Variants in PTCHD4 observed in about 807,000 individuals in gnomAD.
PTCHD4 encodes patched domain containing 4.
A neutral mutation model predicts 58.1 loss-of-function variants in PTCHD4; 33 were observed. The observed-to-expected ratio is 0.57, with a 90% CI of 0.43 to 0.76. The LOEUF (loss-of-function observed/expected upper bound fraction) is 0.76. Among genes scored for constraint, PTCHD4 ranks in the 30% least tolerant of loss-of-function variants. The probability of loss-of-function intolerance (pLI) is 0.00; values close to 1 mark genes in which losing one functional copy is unlikely to be tolerated. For synonymous variants in PTCHD4, 478 were observed against 409.6 expected, an observed-to-expected ratio of 1.17 and a Z score of -2.02; for missense variants, 1,058 against 1,027.1, an observed-to-expected ratio of 1.03 and a Z score of -0.41.
chr6:47,901,947 T>C, intron 4 of PTCHD4: 1 of 1,292,054 alleles, frequency 7.7e-7, no homozygotes. Flanking sequence ...TTAAAAATAG[T>C]ATGAGCAAGT....
intron 4 of PTCHD4, among the ~76,000 whole-genome samples, chr6:47,881,430 C>T (rs1428766967): frequency 2.6e-5 from 4 of 152,130 alleles, no homozygotes; most frequent in African/African-American, 9.7e-5. Flanking sequence ...TGAAGGTCAT[C>T]TAAGGATGCT....
chr6:47,927,665 G>A lies in PTCHD4; in HGVS notation c.899-47729C>T, dbSNP rs78378009. On this transcript the variant is annotated intron_variant, in intron 4 of 4. Coordinates refer to ENST00000339488, the MANE Select transcript of PTCHD4 (RefSeq NM_001384253.1). The stretch of plus-strand genomic sequence containing the variant: ...ACAATTATCTGGGTCATCTCTTCCA[G>A]GACATTTTATCAATCTGGGTTTGTA... Among the ~76,000 whole-genome samples the A allele has an allele frequency of 2.6e-5, 4 of 151,948 alleles. No homozygotes were observed. The East Asian group carries it at 7.7e-4, about 29-fold the overall frequency.
At chr6:48,104,327 T>G (rs562569435) in intron 1 of PTCHD4, among the ~76,000 whole-genome samples, 1 of 152,292 alleles carries the variant, frequency 6.6e-6, no homozygotes, top group East Asian at 1.9e-4. Context: ...ATTTTCAAGC[T>G]AGAATTTCAT....
chr6:47,958,118 G>T (rs968438475), intron 4 of PTCHD4, among the ~76,000 whole-genome samples: 17 of 152,014 alleles, frequency 1.1e-4, no homozygotes, highest in African/African-American at 4.1e-4. Flanking sequence ...AATTACTGTG[G>T]GTTTTGTTTT....
At chr6:47,880,905 C>T (rs1431841527) in intron 4 of PTCHD4, among the ~76,000 whole-genome samples, 3 of 152,142 alleles carry the variant, frequency 2.0e-5, no homozygotes, top group Non-Finnish European at 4.4e-5. Flanking sequence ...ACTATATCTG[C>T]AATTTCCCCT....
chr6:47,946,114 T>TATAAGGTCCAGATCATAGTCAATTTCC (rs1387702416), intron 4 of PTCHD4, among the ~76,000 whole-genome samples: 2 of 152,066 alleles, frequency 1.3e-5, no homozygotes, highest in Admixed American at 1.3e-4. Context: ...TGAATCTTGA[T>TATAAGGTCCAGATCATAGTCAATTTCC]ATAAGGTCCA....
chr6:47,891,241 A>G (rs1167383582), intron 4 of PTCHD4, among the ~76,000 whole-genome samples: 2 of 146,398 alleles, frequency 1.4e-5, no homozygotes, highest in Non-Finnish European at 3.0e-5. Flanking sequence ...AAAAAAAAAA[A>G]AAGATTGAGG....
chr6:47,941,727 T>C (rs1766232827), intron 4 of PTCHD4, among the ~76,000 whole-genome samples: 1 of 152,222 alleles, frequency 6.6e-6, no homozygotes, highest in South Asian at 2.1e-4. Context: ...TTAATGATAG[T>C]ACCTACCTTA....
Position 47,870,975 on chromosome 6 carries a change from A to T in PTCHD4, c.*7328T>A, listed in dbSNP as rs1017302855. Among the ~76,000 whole-genome samples, 1 of 151,634 alleles carries T rather than the reference A, an allele frequency of 6.6e-6. No homozygotes were observed. Among genetic ancestry groups the T allele is most frequent in the East Asian group, 1.9e-4 (1 of 5,142 alleles). The stretch of plus-strand genomic sequence containing the variant: ...AGACATCTGGAATTGATGGTTTGCC[A>T]TGAGGTTTGTAGTGTTAATACATCA... On this transcript the variant is annotated 3_prime_UTR_variant, in exon 5 of 5. Transcript: ENST00000339488.
intron 3 of PTCHD4, among the ~76,000 whole-genome samples, chr6:48,051,426 G>C (rs747152982): frequency 1.3e-5 from 2 of 151,894 alleles, no homozygotes; most frequent in Non-Finnish European, 2.9e-5. Context: ...CTTCACTTTT[G>C]CTTGTTAAGT....
intron 3 of PTCHD4, among the ~76,000 whole-genome samples, chr6:48,034,109 T>A (rs1048472561): frequency 6.6e-6 from 1 of 152,106 alleles, no homozygotes; most frequent in Non-Finnish European, 1.5e-5. Context: ...TAAAGAATTA[T>A]GGCCCTAGTG....
intron 3 of PTCHD4, among the ~76,000 whole-genome samples, chr6:48,014,373 G>A (rs1762795167): frequency 6.6e-6 from 1 of 152,088 alleles, no homozygotes; most frequent in Non-Finnish European, 1.5e-5. Context: ...GAAAGACAAA[G>A]AATTAATATA....
chr6:48,063,228 A>G (rs1229404582), intron 3 of PTCHD4, among the ~76,000 whole-genome samples: 4 of 152,166 alleles, frequency 2.6e-5, no homozygotes, highest in African/African-American at 9.7e-5. Context: ...AGAAAATGAT[A>G]TTAAAGATGA....
At chr6:48,037,908 A>AG (rs1259199615) in intron 3 of PTCHD4, among the ~76,000 whole-genome samples, 1 of 100,152 alleles carries the variant, frequency 1.0e-5, no homozygotes, top group Non-Finnish European at 2.1e-5. Context: ...TAAAAGTAAA[A>AG]AAAAAAAAAA....
rs1581807448 is a variant in PTCHD4 at position 47,874,813 on chromosome 6, T to C, written c.*3490A>G. On this transcript the variant is annotated 3_prime_UTR_variant, in exon 5 of 5. Coordinates refer to ENST00000339488, the MANE Select transcript of PTCHD4 (RefSeq NM_001384253.1). ...AGCCTTCAAAGAGGTTCATAGTAAC[T>C]GCAAGAATTCCTGGGAAGACATCTA... Among the ~76,000 whole-genome samples the C allele has an allele frequency of 6.6e-6, 1 of 151,940 alleles. No homozygotes were observed. Among genetic ancestry groups the C allele is most frequent in the Non-Finnish European group, 1.5e-5 (1 of 67,824 alleles).
intron 4 of PTCHD4, among the ~76,000 whole-genome samples, chr6:47,948,124 G>A (rs1766491632): frequency 6.6e-6 from 1 of 152,198 alleles, no homozygotes; most frequent in Non-Finnish European, 1.5e-5. Flanking sequence ...TTGAGCTAGG[G>A]AAGGGTCCAT....
At chr6:47,913,098 G>A (rs1431256809) in intron 4 of PTCHD4, among the ~76,000 whole-genome samples, 3 of 151,974 alleles carry the variant, frequency 2.0e-5, no homozygotes, top group Admixed American at 6.6e-5. Context: ...ATTCTGTTTG[G>A]ATCCTGGGTC....
chr6:48,035,988 C>A lies in PTCHD4; in HGVS notation c.418-26874G>T, dbSNP rs536362546. ...TTACTAAGATCACCCCCTGAATAAA[C>A]CCTGCCTTACATTCTTTAATGGTGT... On this transcript the variant is annotated intron_variant, in intron 3 of 4. Coordinates refer to ENST00000339488, the MANE Select transcript of PTCHD4 (RefSeq NM_001384253.1). 1.4e-4 allele frequency among the ~76,000 whole-genome samples: 22 copies of A among 152,174 alleles called. No individual in the cohort carries two copies. The South Asian group carries it at 4.4e-3, about 30-fold the overall frequency.
Position 47,871,706 on chromosome 6 carries a change from A to G in PTCHD4, c.*6597T>C, listed in dbSNP as rs1581803724. The stretch of plus-strand genomic sequence containing the variant: ...CTTTAATATATTGCCATTTAATCAA[A>G]GATTGCATGCCATTTTGTCTTTAAA... On this transcript the variant is annotated 3_prime_UTR_variant, in exon 5 of 5. Coordinates refer to ENST00000339488, the MANE Select transcript of PTCHD4 (RefSeq NM_001384253.1). Among the ~76,000 whole-genome samples the G allele has an allele frequency of 6.6e-6, 1 of 151,736 alleles. No homozygotes were observed. Among genetic ancestry groups the G allele is most frequent in the Non-Finnish European group, 1.5e-5 (1 of 67,760 alleles).
Sources: allele counts gnomAD v4.1 joint callset (sites outside exome capture counted in the v4.1 genomes callset), GRCh38; gene constraint gnomAD v4.1.1; transcripts MANE v1.5; gene names NCBI Gene and HGNC (gene_info 2026-07-23, HGNC 2026-07-21).